The following LINGO2 variants were observed in gnomAD, a reference collection of about 807,000 sequenced individuals.
The protein encoded by LINGO2 is leucine rich repeat and Ig domain containing 2, also known as leucine-rich repeat and immunoglobulin-like domain-containing nogo receptor-interacting protein 2.
In LINGO2, 14 loss-of-function variants were observed where a neutral mutation model predicts 30.6. The ratio of observed to expected loss-of-function variants is 0.46; its 90% CI spans 0.30 to 0.72. The LOEUF (loss-of-function observed/expected upper bound fraction) is 0.72, where lower values mean the gene tolerates loss of function less well. Ranked by LOEUF, LINGO2 falls within the 30% of genes least tolerant of loss-of-function variation. The probability of loss-of-function intolerance (pLI) is 0.07; values close to 1 mark genes in which losing one functional copy is unlikely to be tolerated. For missense variants in LINGO2, 729 were observed against 751.7 expected, an observed-to-expected ratio of 0.97 and a Z score of 0.35; for synonymous variants, 317 against 288.5, an observed-to-expected ratio of 1.10 and a Z score of -1.00.
At chr9:28,633,985 T>C (rs1827125671) in intron 1 of LINGO2, among the ~76,000 whole-genome samples, 1 of 152,142 alleles carries the variant, frequency 6.6e-6, no homozygotes, top group South Asian at 2.1e-4. Flanking sequence ...TCTCCTACCT[T>C]TTCTTAGAGC....
chr9:28,387,934 C>T (rs1317119886), intron 2 of LINGO2, among the ~76,000 whole-genome samples: 2 of 152,120 alleles, frequency 1.3e-5, no homozygotes, highest in Non-Finnish European at 2.9e-5. Context: ...ACACTCACGG[C>T]GAGGGTCTGC....
the LINGO2 span, among the ~76,000 whole-genome samples, chr9:28,957,088 T>C: frequency 2.0e-5 from 3 of 152,076 alleles, no homozygotes; most frequent in Admixed American, 2.0e-4. Flanking sequence ...CCCAAGTGTC[T>C]GGACTCAACA....
the LINGO2 span, among the ~76,000 whole-genome samples, chr9:28,847,400 G>A: frequency 6.8e-6 from 1 of 146,728 alleles, no homozygotes; most frequent in Non-Finnish European, 1.5e-5. Flanking sequence ...TTTTTTACAG[G>A]AATCACAGGG....
the LINGO2 span, among the ~76,000 whole-genome samples, chr9:28,802,312 A>G: frequency 6.6e-6 from 1 of 152,016 alleles, no homozygotes; most frequent in Admixed American, 6.6e-5. Flanking sequence ...ACAGTCACAA[A>G]TGTCATCTAA....
At chr9:28,570,903 G>T (rs967008947) in intron 1 of LINGO2, among the ~76,000 whole-genome samples, 3 of 151,756 alleles carry the variant, frequency 2.0e-5, no homozygotes, top group Non-Finnish European at 4.4e-5. Context: ...CCTACAATGT[G>T]CTTAAAAACA....
the LINGO2 span, among the ~76,000 whole-genome samples, chr9:29,130,955 T>G: frequency 6.6e-6 from 1 of 152,204 alleles, no homozygotes; most frequent in East Asian, 1.9e-4. Context: ...TCACAACACA[T>G]GTGAACCTGT....
At chr9:28,192,085 T>C (rs911314433) in intron 4 of LINGO2, among the ~76,000 whole-genome samples, 14 of 152,076 alleles carry the variant, frequency 9.2e-5, no homozygotes, top group Admixed American at 7.2e-4. Context: ...AGATTTAATA[T>C]AGACAAACCT....
the LINGO2 span, among the ~76,000 whole-genome samples, chr9:28,937,500 G>T: frequency 2.6e-5 from 4 of 152,204 alleles, no homozygotes; most frequent in Admixed American, 6.5e-5. Flanking sequence ...AGATCTGAAG[G>T]TTCCAGAGAA....
chr9:28,199,562 T>G (rs1003544267), intron 4 of LINGO2, among the ~76,000 whole-genome samples: 1 of 152,024 alleles, frequency 6.6e-6, no homozygotes, highest in Non-Finnish European at 1.5e-5. Context: ...ATGGCCTCGA[T>G]CTCCTGATCT....
the LINGO2 span, among the ~76,000 whole-genome samples, chr9:28,778,412 A>G: frequency 6.6e-6 from 1 of 152,264 alleles, no homozygotes; most frequent in South Asian, 2.1e-4. Context: ...GAGGTGTTGT[A>G]AGGTTCGTTG....
intron 4 of LINGO2, among the ~76,000 whole-genome samples, chr9:28,284,429 T>C (rs1823435457): frequency 6.6e-6 from 1 of 152,206 alleles, no homozygotes; most frequent in African/African-American, 2.4e-5. Flanking sequence ...GGATTGTCTG[T>C]GTTTATCCCA....
At chr9:29,190,482 T>A in the LINGO2 span, among the ~76,000 whole-genome samples, 1 of 152,158 alleles carries the variant, frequency 6.6e-6, no homozygotes, top group East Asian at 1.9e-4. Context: ...TGTAAGGAAA[T>A]TTAATGTAAT....
chr9:29,193,920 A>G, the LINGO2 span, among the ~76,000 whole-genome samples: 1 of 152,106 alleles, frequency 6.6e-6, no homozygotes, highest in South Asian at 2.1e-4. Flanking sequence ...GCTTGTGGGG[A>G]CCATCCCAGA....
intron 1 of LINGO2, among the ~76,000 whole-genome samples, chr9:28,665,891 CTTTTTT>C (rs35393752): frequency 7.5e-6 from 1 of 132,452 alleles, no homozygotes; most frequent in African/African-American, 2.7e-5. Flanking sequence ...TTTGGTGTTA[CTTTTTT>C]TTTTTTTTTT....
chr9:29,049,345 A>T, the LINGO2 span, among the ~76,000 whole-genome samples: 1 of 152,172 alleles, frequency 6.6e-6, no homozygotes, highest in Admixed American at 6.5e-5. Flanking sequence ...GGAAGAGGGA[A>T]CACTTGTACA....
At chr9:28,955,565 G>A in the LINGO2 span, among the ~76,000 whole-genome samples, 11 of 152,126 alleles carry the variant, frequency 7.2e-5, no homozygotes, top group Admixed American at 2.6e-4. Flanking sequence ...GCATGAGAAC[G>A]AGACCTGGCA....
the LINGO2 span, among the ~76,000 whole-genome samples, chr9:28,934,492 C>T: frequency 6.6e-6 from 1 of 152,114 alleles, no homozygotes; most frequent in African/African-American, 2.4e-5. Flanking sequence ...CATTCTGTCA[C>T]AAGCTGTAAA....
intron 1 of LINGO2, among the ~76,000 whole-genome samples, chr9:28,620,785 A>G (rs145826400): frequency 1.3e-5 from 2 of 152,202 alleles, no homozygotes; most frequent in East Asian, 1.9e-4. Context: ...ATGAGAACAC[A>G]TAGATACACA....
At chr9:29,104,271 T>C in the LINGO2 span, among the ~76,000 whole-genome samples, 24,340 of 152,034 alleles carry the variant, frequency 0.16, 2,076 homozygotes, top group East Asian at 0.34. Flanking sequence ...GGTGATTGGA[T>C]CATGGTGTGC....
Sources: gnomAD v4.1 joint callset for allele counts (sites outside exome capture counted in the v4.1 genomes callset) on GRCh38, gnomAD v4.1.1 for gene constraint, MANE v1.5 for transcripts, NCBI Gene and HGNC (gene_info 2026-07-23, HGNC 2026-07-21) for gene names.